Variants in TMEM179 observed in about 807,000 individuals in gnomAD.
The protein encoded by TMEM179 is transmembrane protein 179A.
Under a neutral mutation model 22.2 loss-of-function variants are expected in TMEM179, and 17 were observed. The observed-to-expected ratio is 0.77, with a 90% CI of 0.52 to 1.15. TMEM179 has a LOEUF of 1.15. TMEM179 is among the 50% of genes most tolerant of loss of function. The pLI, the probability that TMEM179 is intolerant of heterozygous loss-of-function variation, is 0.00. For synonymous variants in TMEM179, 127 were observed against 140.5 expected, an observed-to-expected ratio of 0.90 and a Z score of 0.68; for missense variants, 265 against 313.6, an observed-to-expected ratio of 0.84 and a Z score of 1.17.
chr14:104,600,582 C>CCATTCATTCATT (rs555646900), intron 1 of TMEM179, among the ~76,000 whole-genome samples: 3 of 146,048 alleles, frequency 2.1e-5, no homozygotes, highest in African/African-American at 7.5e-5. Context: ...ATTCATTCAT[C>CCATTCATTCATT]CATTCATTCA....
Position 104,604,349 on chromosome 14 carries a change from G to A in TMEM179, c.305+88C>T. 4 of 1,368,400 alleles carry A rather than the reference G, an allele frequency of 2.9e-6. No individual in the cohort carries two copies. The highest frequency in any genetic ancestry group is 1.5e-5 in the African/African-American group (1 of 65,158). 84.8% of individuals were successfully genotyped at this position (1,368,400 alleles called of 1,614,324 possible). On this transcript the variant is annotated intron_variant, in intron 1 of 3. Coordinates refer to ENST00000556573, the MANE Select transcript of TMEM179 (RefSeq NM_001286389.2). This position sits in a 1 kb window ranked among gnomAD's most constrained non-coding sequence, Gnocchi z 4.6. ...GGGCCTCGGAGCTGCCTGAGAGACG[G>A]AGGGACTCGCGCGCCTCCCCGGGGA...
Position 104,604,335 on chromosome 14 carries a change from C to A in TMEM179, c.305+102G>T, listed in dbSNP as rs1887345345. 1 of 1,304,200 alleles carries A rather than the reference C, an allele frequency of 7.7e-7. No individual in the cohort carries two copies. Among genetic ancestry groups the A allele is most frequent in the Non-Finnish European group, 1.0e-6 (1 of 995,574 alleles). The allele number at this position is 1,304,200 out of a possible 1,614,324, so 80.8% of individuals were successfully genotyped here. A position where few individuals can be genotyped will look rare whatever the true frequency, so the allele number is the denominator to read the frequency against. On this transcript the variant is annotated intron_variant, in intron 1 of 3. Coordinates refer to ENST00000556573, the MANE Select transcript of TMEM179 (RefSeq NM_001286389.2). This position sits in a 1 kb window ranked among gnomAD's most constrained non-coding sequence, Gnocchi z 4.6. ...TTGTTGACATTTGCGGGCCTCGGAG[C>A]TGCCTGAGAGACGGAGGGACTCGCG...
chr14:104,603,417 T>A (rs995786096), intron 1 of TMEM179, among the ~76,000 whole-genome samples: 1 of 151,882 alleles, frequency 6.6e-6, no homozygotes, highest in African/African-American at 2.4e-5. Context: ...TCATGAGTGC[T>A]CTCCCGGAAC....
rs1030105803 is a variant in TMEM179, at chr14:104,593,359, A to T, written c.*120T>A. The T allele has an allele frequency of 8.0e-6, 10 of 1,256,964 alleles. No individual in the cohort carries two copies. The highest frequency in any genetic ancestry group is 1.1e-5 in the Non-Finnish European group (10 of 906,254). The allele number at this position is 1,256,964 out of a possible 1,614,324, so 77.9% of individuals were successfully genotyped here. ...TCACTACACGTGGCGTCGAGGGGAC[A>T]CACGCAGGGCTGCATGTGGCCAGGG... On this transcript the variant is annotated 3_prime_UTR_variant, in exon 4 of 4. Coordinates refer to ENST00000556573, the MANE Select transcript of TMEM179 (RefSeq NM_001286389.2).
chr14:104,602,183 C>A (rs539281244), intron 1 of TMEM179, among the ~76,000 whole-genome samples: 2 of 152,234 alleles, frequency 1.3e-5, no homozygotes, highest in African/African-American at 4.8e-5. Context: ...GGCCTGCCGC[C>A]CAGTGTGTGC....
At position 104,597,517 on chromosome 14, in the gene TMEM179, C is replaced by A. The variant is rs548647654; in HGVS notation, c.306-390G>T. 6.6e-6 allele frequency among the ~76,000 whole-genome samples: 1 copy of A among 152,276 alleles called. No individual in the cohort carries two copies. Among genetic ancestry groups the A allele is most frequent in the Admixed American group, 6.5e-5 (1 of 15,306 alleles). ...CTCTGGCCCAGGTGCTTGTGTCCCC[C>A]CAAATCCATATGTTCCAGTCCACTG... On this transcript the variant is annotated intron_variant, in intron 1 of 3. Coordinates refer to ENST00000556573, the MANE Select transcript of TMEM179 (RefSeq NM_001286389.2). The surrounding 1 kb of genome is among the most constrained non-coding windows in gnomAD (Gnocchi z 4.8).
chr14:104,593,656 AAAC>A lies in TMEM179; in HGVS notation c.523-1_524del. 6.8e-7 allele frequency: 1 copy of A among 1,473,956 alleles called. No individual in the cohort carries two copies. The highest frequency in any genetic ancestry group is 9.0e-7 in the Non-Finnish European group (1 of 1,113,430). The allele number at this position is 1,473,956 out of a possible 1,614,324, so 91.3% of individuals were successfully genotyped here. ...AGGCCAGCCATGAGGCCCAGAGGCC[AAAC>A]TGCACAGAGGGCAGGGTCAGGGTCA... On this transcript the variant is annotated splice_acceptor_variant and coding_sequence_variant, in exon 4 of 4. Transcript: ENST00000556573. LOFTEE classifies it high-confidence loss of function.
rs530591553 is a variant in TMEM179, at chr14:104,599,536, C to T, written c.306-2409G>A. 2.0e-5 allele frequency among the ~76,000 whole-genome samples: 3 copies of T among 152,334 alleles called. No homozygotes were observed. The South Asian group carries it at 6.2e-4, about 32-fold the overall frequency. ...GGTGAGCCATCTGCTGCTGCTGGGACCCTGAGGACACAGTTCTGAACCCCA... is the reference window on the plus strand; with the variant it reads ...GGTGAGCCATCTGCTGCTGCTGGGATCCTGAGGACACAGTTCTGAACCCCA... On this transcript the variant is annotated intron_variant, in intron 1 of 3. Transcript: ENST00000556573.
In TMEM179 at chr14:104,593,490, C is replaced by A; in HGVS notation, c.691G>T (p.Ala231Ser). 6.5e-7 allele frequency: 1 copy of A among 1,536,026 alleles called. No homozygotes were observed. Among genetic ancestry groups the A allele is most frequent in the Non-Finnish European group, 8.7e-7 (1 of 1,146,824 alleles). ...PRTSFQEEKSAVI is the reference protein window; with the variant it reads ...PRTSFQEEKSSVI ...TGCCTGCACTGTGCCTAAATGACAG[C>A]GCTCTTCTCCTCTTGGAAGGAGGTG... The change falls in exon 4 of 4, where the codon GCT becomes TCT. Residue 231 changes from alanine (A) to serine (S), a missense_variant. Coordinates refer to ENST00000556573, the MANE Select transcript of TMEM179 (RefSeq NM_001286389.2).
At chr14:104,598,748 G>A (rs892365116) in intron 1 of TMEM179, among the ~76,000 whole-genome samples, 4 of 152,166 alleles carry the variant, frequency 2.6e-5, no homozygotes, top group African/African-American at 7.2e-5. Context: ...CCCCAGTCCC[G>A]GACACACTGT....
chr14:104,604,498 G>C lies in TMEM179; in HGVS notation c.244C>G (p.Leu82Val). 6.3e-7 allele frequency: 1 copy of C among 1,576,992 alleles called. No homozygotes were observed. Among genetic ancestry groups the C allele is most frequent in the Non-Finnish European group, 8.6e-7 (1 of 1,163,918 alleles). Reference protein sequence around the residue: ...RFSLLASLLSLLLAAAHAWRT... With the variant: ...RFSLLASLLSVLLAAAHAWRT... ...CAGGCGTGCGCGGCGGCCAGCAGCA[G>C]AGACAGGAGGCTGGCGAGCAGGCTG... Residue 82 changes from leucine to valine, a missense_variant, in exon 1 of 4, where the codon CTG (leucine) becomes GTG (valine). Leu to Val is a conservative substitution (Grantham distance 32). Coordinates refer to ENST00000556573, the MANE Select transcript of TMEM179 (RefSeq NM_001286389.2). The surrounding 1 kb of genome is among the most constrained non-coding windows in gnomAD (Gnocchi z 4.6).
rs1886852169 is a variant in TMEM179, at chr14:104,591,777, G to A, written c.*1702C>T. On this transcript the variant is annotated 3_prime_UTR_variant, in exon 4 of 4. Coordinates refer to ENST00000556573, the MANE Select transcript of TMEM179 (RefSeq NM_001286389.2). Reference sequence around the variant, plus strand: ...GGTGGGTCATGAACTCAGGGAGCCAGGGGCTCGCCTCTCCCCGGGAAGGTG... The same window carrying A: ...GGTGGGTCATGAACTCAGGGAGCCAAGGGCTCGCCTCTCCCCGGGAAGGTG... The A allele has an allele frequency of 4.7e-6, 1 of 212,794 alleles. No individual in the cohort carries two copies. The highest frequency in any genetic ancestry group is 2.4e-5 in the African/African-American group (1 of 41,840). 13.2% of individuals were successfully genotyped at this position (212,794 alleles called of 1,614,324 possible). A position where few individuals can be genotyped will look rare whatever the true frequency, so the allele number is the denominator to read the frequency against.
At position 104,604,611 on chromosome 14, in the gene TMEM179, T is replaced by C. The variant is rs1469430480; in HGVS notation, c.131A>G (p.Glu44Gly). 2 of 1,566,990 alleles carry C rather than the reference T, an allele frequency of 1.3e-6. No homozygotes were observed. Among genetic ancestry groups the C allele is most frequent in the East Asian group, 2.5e-5 (1 of 39,794 alleles). ...DFRGRCLLFT[E>G]GMWLSANLTV... ...GAGGTTGGCGCTCAGCCACATGCCCTCGGTGAAGAGCAGGCAGCGGCCGCG... is the reference window on the plus strand; with the variant it reads ...GAGGTTGGCGCTCAGCCACATGCCCCCGGTGAAGAGCAGGCAGCGGCCGCG... The change falls in exon 1 of 4, where the codon GAG (glutamate) becomes GGG (glycine). Residue 44 changes from glutamate (E) to glycine (G), a missense_variant. Coordinates refer to ENST00000556573, the MANE Select transcript of TMEM179 (RefSeq NM_001286389.2). This position sits in a 1 kb window ranked among gnomAD's most constrained non-coding sequence, Gnocchi z 4.6.
At chr14:104,593,796 AG>A (rs1452811251) in intron 3 of TMEM179, 138 bp from the exon 4 acceptor site, 2 of 1,023,984 alleles carry the variant, frequency 2.0e-6, no homozygotes, top group Non-Finnish European at 2.7e-6. Flanking sequence ...GACATGGGGC[AG>A]GGCCAGCTCC....
intron 2 of TMEM179, 46 bp downstream of exon 2, chr14:104,596,944 C>A (rs1427069170): frequency 8.8e-6 from 14 of 1,582,048 alleles, no homozygotes; most frequent in African/African-American, 1.3e-5. Flanking sequence ...GTCAAGGGAT[C>A]TTCCGGGGAG....
At chr14:104,598,614 C>T (rs1051134683) in intron 1 of TMEM179, among the ~76,000 whole-genome samples, 3 of 152,252 alleles carry the variant, frequency 2.0e-5, no homozygotes, top group African/African-American at 7.2e-5. Context: ...AGACGAAGTC[C>T]TGGCCCCGGG....
chr14:104,604,303 G>A lies in TMEM179; in HGVS notation c.305+134C>T, dbSNP rs145473820. 1.0e-6 allele frequency: 1 copy of A among 988,716 alleles called. No homozygotes were observed. The highest frequency in any genetic ancestry group is 3.1e-5 in the East Asian group (1 of 32,124). The allele number at this position is 988,716 out of a possible 1,614,324, so 61.2% of individuals were successfully genotyped here. ...AGGGCGGTCTGAGTGGAGGGGGTGAGGGCGGATTGTTGACATTTGCGGGCC... is the reference window on the plus strand; with the variant it reads ...AGGGCGGTCTGAGTGGAGGGGGTGAAGGCGGATTGTTGACATTTGCGGGCC... On this transcript the variant is annotated intron_variant, in intron 1 of 3. Transcript: ENST00000556573. The surrounding 1 kb of genome is among the most constrained non-coding windows in gnomAD (Gnocchi z 4.6).
Position 104,593,395 on chromosome 14 carries a change from G to GC in TMEM179, c.*83dup, listed in dbSNP as rs1218522006. The GC allele has an allele frequency of 4.7e-6, 7 of 1,493,448 alleles. No homozygotes were observed. Among genetic ancestry groups the GC allele is most frequent in the Non-Finnish European group, 6.3e-6 (7 of 1,113,202 alleles). The allele number at this position is 1,493,448 out of a possible 1,614,324, so 92.5% of individuals were successfully genotyped here. A position where few individuals can be genotyped will look rare whatever the true frequency, so the allele number is the denominator to read the frequency against. On this transcript the variant is annotated 3_prime_UTR_variant, in exon 4 of 4. Transcript: ENST00000556573. ...TGCATGTGGCCAGGGCCCAGGCAGA[G>GC]CCCCCCAGCTGCTTCCCCAGGCAGG...
intron 3 of TMEM179, chr14:104,594,589 C>A: frequency 8.1e-7 from 1 of 1,230,092 alleles, no homozygotes; most frequent in Non-Finnish European, 1.0e-6. Context: ...TGCATTTCAG[C>A]AAATAGCGTC....
Sources: gnomAD v4.1 joint callset for allele counts (sites outside exome capture counted in the v4.1 genomes callset) on GRCh38, gnomAD v4.1.1 for gene constraint, Gnocchi (gnomAD v3.1) non-coding constraint, MANE v1.5 for transcripts, NCBI Gene and HGNC (gene_info 2026-07-23, HGNC 2026-07-21) for gene names.